Variants in COL23A1 observed in about 807,000 individuals in gnomAD.
COL23A1 encodes collagen alpha-1(XXIII) chain.
Under a neutral mutation model 99.3 loss-of-function variants are expected in COL23A1, and 97 were observed. The observed-to-expected ratio is 0.98, with a 90% CI of 0.83 to 1.16. The LOEUF is 1.16. Among genes scored for constraint, COL23A1 ranks in the 50% most tolerant of loss-of-function variants. The probability of loss-of-function intolerance (pLI) is 0.00; values close to 1 mark genes in which losing one functional copy is unlikely to be tolerated. For missense variants in COL23A1, 762 were observed against 757.4 expected (o/e 1.01, Z -0.07); for synonymous variants, 320 against 308.2 (o/e 1.04, Z -0.40).
intron 2 of COL23A1, among the ~76,000 whole-genome samples, chr5:178,320,887 C>G (rs1326116218): frequency 3.3e-5 from 5 of 152,184 alleles, no homozygotes; most frequent in Non-Finnish European, 7.3e-5. Flanking sequence ...TCGCATGGGC[C>G]CAGAGCTGGA....
chr5:178,349,329 G>T (rs1387457297), intron 2 of COL23A1, among the ~76,000 whole-genome samples: 3 of 152,178 alleles, frequency 2.0e-5, no homozygotes, highest in African/African-American at 4.8e-5. Flanking sequence ...CCCCACTGAG[G>T]ACTGGCAGGA....
chr5:178,389,628 T>C (rs1763859579), intron 2 of COL23A1, among the ~76,000 whole-genome samples: 1 of 152,130 alleles, frequency 6.6e-6, no homozygotes, highest in Admixed American at 6.5e-5. Context: ...GGACTTGCAT[T>C]GGTTAAATGT....
intron 2 of COL23A1, among the ~76,000 whole-genome samples, chr5:178,450,258 GT>G: frequency 6.6e-6 from 1 of 151,980 alleles, no homozygotes; most frequent in South Asian, 2.1e-4. Flanking sequence ...CGCAAGGATC[GT>G]TTTCCCCTTC....
chr5:178,291,164 C>T (rs563588279), intron 3 of COL23A1, among the ~76,000 whole-genome samples: 1 of 152,314 alleles, frequency 6.6e-6, no homozygotes, highest in South Asian at 2.1e-4. Context: ...AGGCTCTGTG[C>T]ACTAAGCCAC....
At chr5:178,429,087 C>T (rs1766110042) in intron 2 of COL23A1, among the ~76,000 whole-genome samples, 1 of 152,168 alleles carries the variant, frequency 6.6e-6, no homozygotes, top group Admixed American at 6.5e-5. Context: ...CAGGCAAATA[C>T]TTAGGTATGT....
intron 2 of COL23A1, among the ~76,000 whole-genome samples, chr5:178,372,895 C>G (rs986178609): frequency 6.8e-6 from 1 of 146,624 alleles, no homozygotes; most frequent in Non-Finnish European, 1.5e-5. Flanking sequence ...AGAGATTTCT[C>G]TTTCTTTTCT....
intron 2 of COL23A1, among the ~76,000 whole-genome samples, chr5:178,524,272 C>T (rs1760184160): frequency 6.6e-6 from 1 of 152,228 alleles, no homozygotes; most frequent in African/African-American, 2.4e-5. Flanking sequence ...GCCCTCTTCA[C>T]ACTGTGGCCC....
chr5:178,390,549 C>A (rs1763912537), intron 2 of COL23A1, among the ~76,000 whole-genome samples: 1 of 152,248 alleles, frequency 6.6e-6, no homozygotes, highest in African/African-American at 2.4e-5. Context: ...AATAGAGACC[C>A]CTGCAAGGCC....
intron 7 of COL23A1, 152 bp from the exon 8 acceptor site, chr5:178,267,485 AC>A (rs1755971040): frequency 2.6e-6 from 2 of 765,650 alleles, no homozygotes; most frequent in Non-Finnish European, 4.2e-6. Context: ...TCCATTTCCA[AC>A]GAGGAAGCAG....
chr5:178,321,609 C>T (rs1759317109), intron 2 of COL23A1, among the ~76,000 whole-genome samples: 1 of 151,004 alleles, frequency 6.6e-6, no homozygotes, highest in East Asian at 2.0e-4. Context: ...CCTGCCTCAG[C>T]CTCCCGAGTA....
intron 2 of COL23A1, among the ~76,000 whole-genome samples, chr5:178,486,653 A>G (rs943986549): frequency 6.6e-6 from 1 of 152,248 alleles, no homozygotes; most frequent in Non-Finnish European, 1.5e-5. Flanking sequence ...TGAAGCCCAC[A>G]GGGAGAGCCG....
chr5:178,320,555 C>G (rs956869574), intron 2 of COL23A1, among the ~76,000 whole-genome samples: 1 of 152,224 alleles, frequency 6.6e-6, no homozygotes, highest in Non-Finnish European at 1.5e-5. Context: ...AGTTTGCAGA[C>G]CACAGCTTTG....
intron 17 of COL23A1, 37 bp downstream of exon 17, chr5:178,252,507 A>G (rs746878596): frequency 6.3e-7 from 1 of 1,591,992 alleles, no homozygotes; most frequent in Non-Finnish European, 8.6e-7. Flanking sequence ...CCTGGAGACA[A>G]ATGCTTGGGG....
At chr5:178,519,044 C>T (rs1759792448) in intron 2 of COL23A1, among the ~76,000 whole-genome samples, 1 of 151,478 alleles carries the variant, frequency 6.6e-6, no homozygotes, top group Non-Finnish European at 1.5e-5. Flanking sequence ...CGCAGCGCAG[C>T]CGCGCCAACC....
chr5:178,278,806 C>A (rs1756733942), intron 5 of COL23A1, among the ~76,000 whole-genome samples: 1 of 152,326 alleles, frequency 6.6e-6, no homozygotes. Flanking sequence ...CCTCTGCAAA[C>A]TGAGTGTGTT....
At chr5:178,291,146 C>G (rs907099820) in intron 3 of COL23A1, among the ~76,000 whole-genome samples, 2 of 152,204 alleles carry the variant, frequency 1.3e-5, no homozygotes, top group South Asian at 4.1e-4. Context: ...CCCAACTCTA[C>G]CACCCCTAGG....
rs1231646444 is a variant in COL23A1, at chr5:178,387,609, G to C, written c.362-80690C>G. 6.6e-6 allele frequency among the ~76,000 whole-genome samples: 1 copy of C among 152,104 alleles called. No homozygotes were observed. The highest frequency in any genetic ancestry group is 1.5e-5 in the Non-Finnish European group (1 of 68,018). On this transcript the variant is annotated intron_variant, in intron 2 of 28. Transcript: ENST00000390654. This position sits in a 1 kb window ranked among gnomAD's most constrained non-coding sequence, Gnocchi z 4.7. ...GGGGTTTGCCTGAGCCTCCCCTCCT[G>C]GACCAATAACTTCTAGAGGCTCATG...
At chr5:178,580,791 G>A (rs1581678087) in intron 1 of COL23A1, among the ~76,000 whole-genome samples, 1 of 152,270 alleles carries the variant, frequency 6.6e-6, no homozygotes, top group Non-Finnish European at 1.5e-5. Flanking sequence ...AGGCCAAGGT[G>A]GGAGGGCTGC....
At chr5:178,507,438 T>C (rs952206359) in intron 2 of COL23A1, among the ~76,000 whole-genome samples, 1 of 152,232 alleles carries the variant, frequency 6.6e-6, no homozygotes, top group African/African-American at 2.4e-5. Flanking sequence ...TGTGAAACCG[T>C]TAGCTGGCCA....
Sources: allele counts gnomAD v4.1 joint callset (sites outside exome capture counted in the v4.1 genomes callset), GRCh38; gene constraint gnomAD v4.1.1; non-coding constraint Gnocchi (gnomAD v3.1); transcripts MANE v1.5; gene names NCBI Gene and HGNC (gene_info 2026-07-23, HGNC 2026-07-21).